Variants in KIDINS220 observed in about 807,000 individuals in gnomAD.
KIDINS220 encodes kinase D interacting substrate 220, also known as kinase D-interacting substrate of 220 kDa.
A neutral mutation model predicts 157.6 loss-of-function variants in KIDINS220; 63 were observed. The observed-to-expected ratio is 0.40, with a 90% CI of 0.33 to 0.49. KIDINS220 has a LOEUF of 0.49. Ranked by LOEUF, KIDINS220 falls within the 20% of genes least tolerant of loss-of-function variation. KIDINS220 has a pLI of 0.66. For missense variants in KIDINS220, 1,772 were observed against 2,171.2 expected (o/e 0.82, Z 3.65); for synonymous variants, 732 against 783.6 (o/e 0.93, Z 1.10).
At chr2:8,804,730 C>T (rs747619460) in intron 7 of KIDINS220, among the ~76,000 whole-genome samples, 1 of 152,162 alleles carries the variant, frequency 6.6e-6, no homozygotes, top group Non-Finnish European at 1.5e-5. Context: ...ATTTGTACTA[C>T]GTATAGGAAA....
rs1010789731 is a variant in KIDINS220, at chr2:8,817,726, A to G, written c.208-10T>C. On this transcript the variant is annotated splice_polypyrimidine_tract_variant and intron_variant, in intron 3 of 29. Coordinates refer to ENST00000256707, the MANE Select transcript of KIDINS220 (RefSeq NM_020738.4). ...GTGCTGTCCAATTATCCTTGAACAT[A>G]TATTTTAAAAGTTATCATTTTCAAA... 6.4e-6 allele frequency: 10 copies of G among 1,564,082 alleles called. No individual in the cohort carries two copies. In the Admixed American group the frequency reaches 1.1e-4, roughly 17 times the overall value.
intron 22 of KIDINS220, among the ~76,000 whole-genome samples, chr2:8,752,611 T>A (rs555530845): frequency 1.3e-5 from 2 of 152,214 alleles, no homozygotes; most frequent in South Asian, 4.1e-4. Context: ...CGAAAGCAAA[T>A]CTGACTGGTT....
intron 22 of KIDINS220, among the ~76,000 whole-genome samples, chr2:8,769,478 A>G (rs1387155491): frequency 6.6e-6 from 1 of 152,218 alleles, no homozygotes; most frequent in East Asian, 1.9e-4. Flanking sequence ...CACACAAATG[A>G]TAACAACAAC....
intron 22 of KIDINS220, chr2:8,757,924 G>A: frequency 7.0e-6 from 5 of 717,092 alleles, no homozygotes; most frequent in Non-Finnish European, 1.2e-5. Flanking sequence ...GTGCAGTGGT[G>A]CAATCTCGGC....
chr2:8,779,122 TG>T lies in KIDINS220; in HGVS notation c.2387del (p.Ser796Ter). The T allele has an allele frequency of 6.2e-7, 1 of 1,613,466 alleles. No homozygotes were observed. The highest frequency in any genetic ancestry group is 8.5e-7 in the Non-Finnish European group (1 of 1,179,994). On this transcript the variant is annotated frameshift_variant, in exon 19 of 30. Transcript: ENST00000256707. LOFTEE classifies it high-confidence loss of function. ...CAAAAATGGCAATGAACGGGCCTTT[TG>T]AAAACAGAACTCGGACCTGTGGCAG... ...QMLDTVRVLF[S>X]KGPFIAIFAS... is the part of the protein sequence containing the mutation.
At chr2:8,732,021 A>G (rs1664192911) in intron 29 of KIDINS220, 39 bp from the exon 30 acceptor site, 1 of 1,482,864 alleles carries the variant, frequency 6.7e-7, no homozygotes, top group Non-Finnish European at 9.0e-7. Flanking sequence ...AAATTCAAAT[A>G]AGAAGAAAAA....
At chr2:8,814,701 G>C (rs191996450) in intron 4 of KIDINS220, among the ~76,000 whole-genome samples, 2 of 152,326 alleles carry the variant, frequency 1.3e-5, no homozygotes, top group Admixed American at 6.5e-5. Context: ...ATTTTGTTTA[G>C]TGTCAAAGTA....
intron 23 of KIDINS220, among the ~76,000 whole-genome samples, chr2:8,750,920 T>C (rs776859023): frequency 6.6e-6 from 1 of 152,214 alleles, no homozygotes; most frequent in Non-Finnish European, 1.5e-5. Context: ...ACTGTTTCAA[T>C]GAAGGTTTTA....
intron 22 of KIDINS220, among the ~76,000 whole-genome samples, chr2:8,765,742 G>C (rs1669399418): frequency 6.6e-6 from 1 of 152,048 alleles, no homozygotes; most frequent in Non-Finnish European, 1.5e-5. Context: ...ACCCAGGCTG[G>C]AGTGTGGTAG....
Position 8,798,196 on chromosome 2 carries a change from T to C in KIDINS220, c.999+6A>G, listed in dbSNP as rs759302703. Reference sequence around the variant, plus strand: ...GCTGCTAACAGAATAGAAATGCCATTTATACCTTTGTGCATATTTCAGTGT... The same window carrying C: ...GCTGCTAACAGAATAGAAATGCCATCTATACCTTTGTGCATATTTCAGTGT... On this transcript the variant is annotated splice_donor_region_variant and intron_variant, in intron 10 of 29. Coordinates refer to ENST00000256707, the MANE Select transcript of KIDINS220 (RefSeq NM_020738.4). The C allele has an allele frequency of 1.1e-4, 167 of 1,549,438 alleles. No individual in the cohort carries two copies. Among genetic ancestry groups the C allele is most frequent in the South Asian group, 1.3e-4 (12 of 89,448 alleles).
At position 8,729,640 on chromosome 2, in the gene KIDINS220, A is replaced by T; in HGVS notation, c.*1080T>A. ...TTACATGTTTCCAAATTTTTTTTTA[A>T]AAAGTATTTCCTTTCTTATGATCCT... On this transcript the variant is annotated 3_prime_UTR_variant, in exon 30 of 30. Transcript: ENST00000256707. 1.0e-6 allele frequency: 1 copy of T among 983,158 alleles called. No individual in the cohort carries two copies. Among genetic ancestry groups the T allele is most frequent in the Non-Finnish European group, 1.2e-6 (1 of 827,906 alleles). The allele number at this position is 983,158 out of a possible 1,614,324, so 60.9% of individuals were successfully genotyped here.
chr2:8,772,785 A>T (rs551949392), intron 21 of KIDINS220, among the ~76,000 whole-genome samples: 1 of 151,752 alleles, frequency 6.6e-6, no homozygotes, highest in Admixed American at 6.6e-5. Context: ...TAAAACCTCA[A>T]ATTCTTTTCT....
rs1671442518 is a variant in KIDINS220, at chr2:8,779,681, A to T, written c.2363T>A (p.Leu788Gln). The T allele has an allele frequency of 6.2e-7, 1 of 1,613,938 alleles. No homozygotes were observed. Among genetic ancestry groups the T allele is most frequent in the Non-Finnish European group, 8.5e-7 (1 of 1,179,828 alleles). The change falls in exon 18 of 30, where the codon CTG becomes CAG. Residue 788 changes from leucine to glutamine, a missense_variant. Transcript: ENST00000256707. ...ACEQDKVLQM[L>Q]DTVRVLFSKG... ...GAGGTGGCGCAAACGTACAGTGTCCAGCATCTGAAGGACTTTGTCCTGCTC... is the reference window on the plus strand; with the variant it reads ...GAGGTGGCGCAAACGTACAGTGTCCTGCATCTGAAGGACTTTGTCCTGCTC...
Position 8,789,885 on chromosome 2 carries a change from AAT to A in KIDINS220, c.1614_1615del (p.Phe539LeufsTer24), listed in dbSNP as rs2148269426. 1 of 1,588,026 alleles carries A rather than the reference AAT, an allele frequency of 6.3e-7. No individual in the cohort carries two copies. The highest frequency in any genetic ancestry group is 8.5e-7 in the Non-Finnish European group (1 of 1,172,200). ...GATAAAAAGCAAAGACTTACTAAAGAATATATATAAGAGAGCCAAGAAGCTCA... is the reference window on the plus strand; with the variant it reads ...GATAAAAAGCAAAGACTTACTAAAGAATATATAAGAGAGCCAAGAAGCTCA... On this transcript the variant is annotated frameshift_variant, in exon 14 of 30. Coordinates refer to ENST00000256707, the MANE Select transcript of KIDINS220 (RefSeq NM_020738.4). LOFTEE classifies it high-confidence loss of function.
chr2:8,818,024 C>T (rs1446894982), intron 3 of KIDINS220, among the ~76,000 whole-genome samples: 1 of 152,202 alleles, frequency 6.6e-6, no homozygotes, highest in African/African-American at 2.4e-5. Context: ...AGCTAATCCT[C>T]ATGGCTAGCC....
At chr2:8,836,254 T>G (rs1276046894) in intron 1 of KIDINS220, among the ~76,000 whole-genome samples, 1 of 151,198 alleles carries the variant, frequency 6.6e-6, no homozygotes, top group East Asian at 1.9e-4. Flanking sequence ...ACTTAAGTTA[T>G]GCCTCCTCCC....
chr2:8,733,612 G>C lies in KIDINS220; in HGVS notation c.3885C>G (p.Ser1295Arg). ...PEDPRFLSESSSGPAPHGEPA... is the reference protein window; with the variant it reads ...PEDPRFLSESRSGPAPHGEPA... ...GCTCACCGTGCGGGGCTGGGCCACT[G>C]CTGCTCTCACTGAGGAAACGTGGGT... is the stretch of plus-strand genomic sequence containing the variant. The change falls in exon 29 of 30, where the codon AGC (serine) becomes AGG (arginine). Residue 1295 changes from serine (S) to arginine (R), a missense_variant. By Grantham distance (110) the Ser-to-Arg change is moderately radical. Transcript: ENST00000256707. 6.2e-7 allele frequency: 1 copy of C among 1,613,194 alleles called. No homozygotes were observed. Among genetic ancestry groups the C allele is most frequent in the Non-Finnish European group, 8.5e-7 (1 of 1,179,334 alleles).
At chr2:8,732,026 G>GA (rs766793960) in intron 29 of KIDINS220, 44 bp from the exon 30 acceptor site, 5 of 1,480,320 alleles carry the variant, frequency 3.4e-6, no homozygotes, top group Non-Finnish European at 3.6e-6. Flanking sequence ...CAAATAAGAA[G>GA]AAAAAAGGCA....
intron 13 of KIDINS220, 44 bp from the exon 14 acceptor site, chr2:8,790,103 A>T (rs1346220252): frequency 6.5e-7 from 1 of 1,537,770 alleles, no homozygotes; most frequent in South Asian, 1.2e-5. Flanking sequence ...GTTTTGTTTA[A>T]GAAATACAAC....
Sources: gnomAD v4.1 joint callset for allele counts (sites outside exome capture counted in the v4.1 genomes callset) on GRCh38, gnomAD v4.1.1 for gene constraint, MANE v1.5 for transcripts, NCBI Gene and HGNC (gene_info 2026-07-23, HGNC 2026-07-21) for gene names.